CTNNA2: variants seen among roughly 807,000 people sequenced by gnomAD.
CTNNA2 encodes catenin alpha 2.
CTNNA2 carries 42 observed loss-of-function variants against 101.0 expected under a neutral mutation model. The ratio of observed to expected loss-of-function variants is 0.42; its 90% CI spans 0.32 to 0.54. The LOEUF (loss-of-function observed/expected upper bound fraction) is 0.54. Ranked by LOEUF, CTNNA2 falls within the 20% of genes least tolerant of loss-of-function variation. The pLI is 0.14. For synonymous variants in CTNNA2, 450 were observed against 456.4 expected (o/e 0.99, Z 0.18); for missense variants, 871 against 1,223.1 (o/e 0.71, Z 4.29).
At chr2:79,744,318 TTA>T in intron 2 of CTNNA2, 67 bp from the exon 3 acceptor site, 3 of 1,422,366 alleles carry the variant, frequency 2.1e-6, no homozygotes, top group Non-Finnish European at 2.8e-6. Flanking sequence ...GATTTAGAAA[TTA>T]TGAGATAACA....
At chr2:79,240,215 CTT>C (rs112101652) in intron 2 of CTNNA2, among the ~76,000 whole-genome samples, 3 of 142,654 alleles carry the variant, frequency 2.1e-5, no homozygotes, top group Admixed American at 6.9e-5. Context: ...GCACAGTTTT[CTT>C]TTTTTTTTTT....
At chr2:79,266,320 C>T (rs1460507392) in intron 2 of CTNNA2, among the ~76,000 whole-genome samples, 1 of 152,172 alleles carries the variant, frequency 6.6e-6, no homozygotes, top group East Asian at 1.9e-4. Context: ...TCCCCAACTC[C>T]TCCCTGGATG....
At chr2:79,335,655 C>A (rs1343985882) in intron 3 of CTNNA2, among the ~76,000 whole-genome samples, 1 of 152,130 alleles carries the variant, frequency 6.6e-6, no homozygotes, top group African/African-American at 2.4e-5. Flanking sequence ...TTAGTTACTC[C>A]AAAATAGACT....
chr2:80,056,353 G>A (rs991828276), intron 7 of CTNNA2, among the ~76,000 whole-genome samples: 1 of 152,182 alleles, frequency 6.6e-6, no homozygotes, highest in African/African-American at 2.4e-5. Flanking sequence ...TTAGCTGCAA[G>A]GAAGGCTAGA....
chr2:80,348,173 T>G (rs1672948022), intron 7 of CTNNA2, among the ~76,000 whole-genome samples: 1 of 152,210 alleles, frequency 6.6e-6, no homozygotes, highest in Non-Finnish European at 1.5e-5. Context: ...AATTTTTATT[T>G]GTGTTTTATC....
At chr2:80,209,254 T>C (rs529338144) in intron 7 of CTNNA2, among the ~76,000 whole-genome samples, 1 of 151,456 alleles carries the variant, frequency 6.6e-6, no homozygotes, top group African/African-American at 2.4e-5. Context: ...CAGGCTGAAC[T>C]GCAGCGGCAC....
intron 2 of CTNNA2, among the ~76,000 whole-genome samples, chr2:79,248,661 C>T (rs1053179195): frequency 1.3e-5 from 2 of 152,142 alleles, no homozygotes; most frequent in African/African-American, 4.8e-5. Flanking sequence ...TCTTCACTAG[C>T]CTGGACCTTG....
intron 9 of CTNNA2, among the ~76,000 whole-genome samples, chr2:80,489,124 C>T (rs1175097757): frequency 1.3e-5 from 2 of 151,986 alleles, no homozygotes; most frequent in Non-Finnish European, 2.9e-5. Context: ...GTCAGATTTC[C>T]CATTTGAATG....
At chr2:80,075,908 T>G (rs1449411983) in intron 7 of CTNNA2, among the ~76,000 whole-genome samples, 1 of 151,584 alleles carries the variant, frequency 6.6e-6, no homozygotes, top group African/African-American at 2.4e-5. Flanking sequence ...AAATGCTTAC[T>G]CATCACTAGT....
At chr2:79,679,845 G>GA (rs1683436825) in intron 2 of CTNNA2, among the ~76,000 whole-genome samples, 1 of 151,962 alleles carries the variant, frequency 6.6e-6, no homozygotes, top group African/African-American at 2.4e-5. Flanking sequence ...GTCCTCCTGC[G>GA]TCTTCTCCCC....
intron 7 of CTNNA2, among the ~76,000 whole-genome samples, chr2:80,148,962 G>T (rs796866503): frequency 6.0e-5 from 9 of 151,090 alleles, no homozygotes; most frequent in African/African-American, 2.2e-4. Context: ...GACCAAACTG[G>T]AATTTACCAA....
At chr2:80,231,741 G>T (rs113753554) in intron 7 of CTNNA2, among the ~76,000 whole-genome samples, 1 of 152,086 alleles carries the variant, frequency 6.6e-6, no homozygotes, top group African/African-American at 2.4e-5. Flanking sequence ...AGCAGGCCCC[G>T]CAGGAAATCA....
At chr2:80,125,419 GA>G (rs1234252412) in intron 7 of CTNNA2, among the ~76,000 whole-genome samples, 1 of 152,138 alleles carries the variant, frequency 6.6e-6, no homozygotes, top group African/African-American at 2.4e-5. Flanking sequence ...ATTTCAATGG[GA>G]CTGTAGACAG....
intron 3 of CTNNA2, among the ~76,000 whole-genome samples, chr2:79,769,716 T>C (rs1456216192): frequency 6.6e-6 from 1 of 152,198 alleles, no homozygotes; most frequent in Admixed American, 6.5e-5. Context: ...GAGGAAGCGT[T>C]TACAGAAAGA....
chr2:80,588,137 T>G (rs530366743), intron 14 of CTNNA2, among the ~76,000 whole-genome samples: 1 of 152,204 alleles, frequency 6.6e-6, no homozygotes, highest in Non-Finnish European at 1.5e-5. Flanking sequence ...TTTTGATTCA[T>G]TAACATTGAA....
At chr2:79,852,568 G>GT (rs1466811562) in intron 3 of CTNNA2, among the ~76,000 whole-genome samples, 3 of 152,158 alleles carry the variant, frequency 2.0e-5, no homozygotes, top group African/African-American at 7.2e-5. Flanking sequence ...GAAAAGAAAA[G>GT]TTTTTTTGTT....
At chr2:80,528,442 T>C (rs1388332345) in intron 9 of CTNNA2, among the ~76,000 whole-genome samples, 1 of 152,144 alleles carries the variant, frequency 6.6e-6, no homozygotes, top group Admixed American at 6.5e-5. Flanking sequence ...GTGATCTGCC[T>C]GCCTCAGCCT....
intron 7 of CTNNA2, among the ~76,000 whole-genome samples, chr2:80,232,386 T>TTTTTTTTTTTATTTTTTTC (rs1709305808): frequency 9.5e-6 from 1 of 105,430 alleles, no homozygotes; most frequent in Non-Finnish European, 2.2e-5. Flanking sequence ...TTTTTTTTTT[T>TTTTTTTTTTTATTTTTTTC]TTGTTAACAC....
At chr2:79,934,864 G>T (rs1687675101) in intron 7 of CTNNA2, among the ~76,000 whole-genome samples, 1 of 152,198 alleles carries the variant, frequency 6.6e-6, no homozygotes, top group Non-Finnish European at 1.5e-5. Context: ...TAGAATAAAT[G>T]CACCAAGGTT....
Sources: gnomAD v4.1 joint callset for allele counts (sites outside exome capture counted in the v4.1 genomes callset) on GRCh38, gnomAD v4.1.1 for gene constraint, MANE v1.5 for transcripts, NCBI Gene and HGNC (gene_info 2026-07-23, HGNC 2026-07-21) for gene names.